The following CLEC2A variants were observed in gnomAD, a reference collection of about 807,000 sequenced individuals.
CLEC2A encodes C-type lectin domain family 2 member A.
Under a neutral mutation model 18.6 loss-of-function variants are expected in CLEC2A, and 19 were observed. The ratio of observed to expected loss-of-function variants is 1.02; its 90% CI spans 0.71 to 1.50. The LOEUF is 1.50. CLEC2A is among the 40% of genes most tolerant of loss of function. CLEC2A has a pLI of 0.00. For missense variants in CLEC2A, 190 were observed against 207.9 expected (o/e 0.91, Z 0.53); for synonymous variants, 74 against 64.0 (o/e 1.16, Z -0.75).
downstream of CLEC2A, among the ~76,000 whole-genome samples, chr12:9,908,602 TAA>T (rs901724685): frequency 2.0e-5 from 3 of 152,160 alleles, no homozygotes; most frequent in Non-Finnish European, 4.4e-5. Context: ...GGACTTGAGA[TAA>T]AAGAGACAGA....
intron 4 of CLEC2A, among the ~76,000 whole-genome samples, chr12:9,915,093 G>GA (rs914913804): frequency 2.1e-4 from 32 of 149,834 alleles, no homozygotes; most frequent in Admixed American, 1.9e-3. Context: ...ACAAACATTT[G>GA]AAAAAAAAAG....
At chr12:9,881,172 TA>T in the CLEC2A span, among the ~76,000 whole-genome samples, 2 of 152,242 alleles carry the variant, frequency 1.3e-5, no homozygotes, top group Non-Finnish European at 2.9e-5. Flanking sequence ...TTAACTTTTT[TA>T]ATTTGAATTT....
intron 4 of CLEC2A, among the ~76,000 whole-genome samples, chr12:9,904,000 A>G (rs1344742683): frequency 6.6e-6 from 1 of 152,224 alleles, no homozygotes; most frequent in Non-Finnish European, 1.5e-5. Flanking sequence ...TGCTCCAGCT[A>G]CTTGGCAAAG....
chr12:9,899,070 A>T, intron 4 of CLEC2A: 1 of 651,194 alleles, frequency 1.5e-6, no homozygotes, highest in Non-Finnish European at 2.9e-6. Context: ...GAAAATTCCA[A>T]GGCCTTTTAT....
At chr12:9,880,310 A>G in the CLEC2A span, among the ~76,000 whole-genome samples, 2 of 152,226 alleles carry the variant, frequency 1.3e-5, no homozygotes, top group African/African-American at 4.8e-5. Flanking sequence ...AGAGGTACAT[A>G]TAGAGATCAT....
rs565120039 is a variant in CLEC2A at position 9,902,389 on chromosome 12, C to T, written c.411-3413G>A. 1.6e-4 allele frequency among the ~76,000 whole-genome samples: 25 copies of T among 151,988 alleles called. 1 individual carries two copies. The highest frequency in any genetic ancestry group is 1.0e-3 in the South Asian group (5 of 4,808). On this transcript the variant is annotated intron_variant, in intron 4 of 4. Coordinates refer to the CLEC2A transcript ENST00000339766. ...CTGGAATTACAGGTGTGCACCATTG[C>T]GCCTGGTTAATTTTTGAATTTGTAG...
the CLEC2A span, among the ~76,000 whole-genome samples, chr12:9,884,606 T>A: frequency 1.3e-5 from 2 of 148,554 alleles, no homozygotes; most frequent in African/African-American, 4.9e-5. Context: ...TATATTTATA[T>A]TTTATATAAT....
At chr12:9,895,866 T>C, downstream of CLEC2A, 3 of 1,489,602 alleles carry the variant, frequency 2.0e-6, no homozygotes, top group Non-Finnish European at 2.7e-6. Context: ...ACTTTGCATG[T>C]TAAAGCAGAG....
chr12:9,910,002 A>G (rs1237653716), downstream of CLEC2A, among the ~76,000 whole-genome samples: 2 of 152,156 alleles, frequency 1.3e-5, no homozygotes, highest in African/African-American at 4.8e-5. Flanking sequence ...TTTAGAGGGT[A>G]AAGGAGGACA....
chr12:9,902,077 T>G (rs1862837058), intron 4 of CLEC2A, among the ~76,000 whole-genome samples: 1 of 152,196 alleles, frequency 6.6e-6, no homozygotes, highest in Non-Finnish European at 1.5e-5. Context: ...TGCCTTCTTA[T>G]AACCTTTTGC....
chr12:9,914,105 A>G (rs1387617059), intron 4 of CLEC2A, among the ~76,000 whole-genome samples: 1 of 152,234 alleles, frequency 6.6e-6, no homozygotes, highest in Non-Finnish European at 1.5e-5. Flanking sequence ...ATTTTAGGCA[A>G]TGTACTTTTT....
At chr12:9,878,398 A>G in the CLEC2A span, among the ~76,000 whole-genome samples, 2 of 152,178 alleles carry the variant, frequency 1.3e-5, no homozygotes, top group Admixed American at 6.5e-5. Flanking sequence ...ACTAAATGCC[A>G]TGAAGGAATA....
At chr12:9,920,348 T>C (rs1863148230) in intron 3 of CLEC2A, among the ~76,000 whole-genome samples, 1 of 152,146 alleles carries the variant, frequency 6.6e-6, no homozygotes, top group Non-Finnish European at 1.5e-5. Flanking sequence ...GGCTGCTCTT[T>C]TGAAGCTCCA....
At chr12:9,898,682 T>A in exon 5 of CLEC2A, 1 of 464,998 alleles carries the variant, frequency 2.2e-6, no homozygotes, top group Non-Finnish European at 3.9e-6. Flanking sequence ...TCAAGAAGTT[T>A]TCTGTAGTTT....
intron 3 of CLEC2A, among the ~76,000 whole-genome samples, chr12:9,920,387 C>T (rs935197057): frequency 1.3e-5 from 2 of 152,072 alleles, no homozygotes; most frequent in African/African-American, 4.8e-5. Context: ...ACTGAAGGCC[C>T]CGGTGGAGTT....
At chr12:9,881,212 T>C in the CLEC2A span, among the ~76,000 whole-genome samples, 1 of 152,216 alleles carries the variant, frequency 6.6e-6, no homozygotes, top group South Asian at 2.1e-4. Context: ...GTTCTGTTTG[T>C]TTAGAGATTA....
intron 3 of CLEC2A, among the ~76,000 whole-genome samples, chr12:9,920,607 C>T (rs186709095): frequency 3.7e-4 from 56 of 150,802 alleles, no homozygotes; most frequent in African/African-American, 1.1e-3. Context: ...TGCGTGTACC[C>T]TGGATGTTTC....
At chr12:9,899,113 C>G in intron 4 of CLEC2A, 1 of 513,600 alleles carries the variant, frequency 1.9e-6, no homozygotes, top group Admixed American at 3.0e-5. Flanking sequence ...GCGAAAAGCC[C>G]TACTAGTAAA....
In CLEC2A at chr12:9,913,371, A is replaced by G; in HGVS notation, c.*195T>C. ...ATAGTAAATGTGATTGTGCCCTTAT[A>G]AAAGGCTCCAGAGAACGGCCTTGTC... On this transcript the variant is annotated 3_prime_UTR_variant, in exon 5 of 5. Transcript: ENST00000455827. 6.6e-6 allele frequency: 6 copies of G among 910,638 alleles called. No homozygotes were observed. The highest frequency in any genetic ancestry group is 9.2e-6 in the Non-Finnish European group (6 of 650,286). 56.4% of individuals were successfully genotyped at this position (910,638 alleles called of 1,614,324 possible).
Sources: allele counts gnomAD v4.1 joint callset (sites outside exome capture counted in the v4.1 genomes callset), GRCh38; gene constraint gnomAD v4.1.1; transcripts MANE v1.5; gene names NCBI Gene and HGNC (gene_info 2026-07-23, HGNC 2026-07-21).